The following KDM7A variants were observed in gnomAD, a reference collection of about 807,000 sequenced individuals.
The protein encoded by KDM7A is lysine demethylase 7A, also known as lysine-specific demethylase 7A.
In KDM7A, 28 loss-of-function variants were observed where a neutral mutation model predicts 114.8. The ratio of observed to expected loss-of-function variants is 0.24; its 90% CI spans 0.18 to 0.33. The LOEUF (loss-of-function observed/expected upper bound fraction) is 0.33, where lower values mean the gene tolerates loss of function less well. KDM7A is among the 10% of genes least tolerant of loss of function. KDM7A has a pLI of 1.00. For synonymous variants in KDM7A, 423 were observed against 397.8 expected, an observed-to-expected ratio of 1.06 and a Z score of -0.75; for missense variants, 942 against 1,142.5, an observed-to-expected ratio of 0.82 and a Z score of 2.53.
At chr7:140,133,171 G>A (rs1818816971) in intron 3 of KDM7A, among the ~76,000 whole-genome samples, 1 of 152,160 alleles carries the variant, frequency 6.6e-6, no homozygotes, top group Non-Finnish European at 1.5e-5. Context: ...ACAAGAGAAG[G>A]TGAGGCAAAA....
rs563100519 is a variant in KDM7A, at chr7:140,092,905, C to T, written c.2458-828G>A. Among the ~76,000 whole-genome samples the T allele has an allele frequency of 9.2e-5, 14 of 151,970 alleles. No homozygotes were observed. The South Asian group carries it at 1.7e-3, about 18-fold the overall frequency. On this transcript the variant is annotated intron_variant, in intron 18 of 19. Coordinates refer to ENST00000397560, the MANE Select transcript of KDM7A (RefSeq NM_030647.2). ...AGTGAGGCACTATAAAATCATACAC[C>T]GAAAAGTAAATTATAATGAGATTTC...
intron 13 of KDM7A, 139 bp from the exon 14 acceptor site, chr7:140,099,172 T>C: frequency 2.8e-6 from 2 of 704,734 alleles, no homozygotes; most frequent in Non-Finnish European, 4.6e-6. Context: ...TGCAATAGTA[T>C]GCGCTAGGGA....
Position 140,111,324 on chromosome 7 carries a change from C to T in KDM7A, c.1339-140G>A, listed in dbSNP as rs539129181. Reference sequence around the variant, plus strand: ...TACTAGTAAGCCAGGTTTCAGAGTTCGTGTAGCTAGTATAATGCCTTCTAA... The same window carrying T: ...TACTAGTAAGCCAGGTTTCAGAGTTTGTGTAGCTAGTATAATGCCTTCTAA... On this transcript the variant is annotated intron_variant, in intron 10 of 19. Coordinates refer to ENST00000397560, the MANE Select transcript of KDM7A (RefSeq NM_030647.2). 1,874 of 584,252 alleles carry T rather than the reference C, an allele frequency of 3.2e-3. 5 individuals are homozygous for T. The highest frequency in any genetic ancestry group is 4.6e-3 in the Non-Finnish European group (1,521 of 329,964). The allele number at this position is 584,252 out of a possible 1,614,324, so 36.2% of individuals were successfully genotyped here.
In KDM7A at chr7:140,176,982, C is replaced by T. The variant is rs1794720014; in HGVS notation, c.-45G>A. The T allele has an allele frequency of 9.2e-7, 1 of 1,084,470 alleles. No individual in the cohort carries two copies. Among genetic ancestry groups the T allele is most frequent in the Non-Finnish European group, 1.1e-6 (1 of 894,120 alleles). 67.2% of individuals were successfully genotyped at this position (1,084,470 alleles called of 1,614,324 possible). Reference sequence around the variant, plus strand: ...GCTCGCTCGCTACTCCGCTCGCCGACTGGAGCGAGCGCAGCCGCCAGCCAG... The same window carrying T: ...GCTCGCTCGCTACTCCGCTCGCCGATTGGAGCGAGCGCAGCCGCCAGCCAG... On this transcript the variant is annotated 5_prime_UTR_variant, in exon 1 of 20. Transcript: ENST00000397560. This position sits in a 1 kb window ranked among gnomAD's most constrained non-coding sequence, Gnocchi z 4.4.
chr7:140,102,991 A>G (rs1225342077), intron 11 of KDM7A, among the ~76,000 whole-genome samples: 1 of 152,136 alleles, frequency 6.6e-6, no homozygotes, highest in Admixed American at 6.6e-5. Context: ...CCATTTTAAC[A>G]ATTTTTAAGT....
chr7:140,104,860 T>C (rs534647619), intron 11 of KDM7A, among the ~76,000 whole-genome samples: 50 of 152,244 alleles, frequency 3.3e-4, no homozygotes, highest in East Asian at 7.7e-4. Flanking sequence ...GGGGATGGCA[T>C]TGAATCTATT....
chr7:140,153,343 G>A (rs898239501), intron 1 of KDM7A, among the ~76,000 whole-genome samples: 2 of 151,798 alleles, frequency 1.3e-5, no homozygotes, highest in African/African-American at 4.8e-5. Context: ...AAAACTAGCT[G>A]GGCGTGGTGG....
intron 1 of KDM7A, among the ~76,000 whole-genome samples, chr7:140,153,825 T>C (rs1794428176): frequency 6.6e-6 from 1 of 152,218 alleles, no homozygotes; most frequent in Non-Finnish European, 1.5e-5. Context: ...GGATTTTACT[T>C]CCAGAGTTAT....
intron 2 of KDM7A, among the ~76,000 whole-genome samples, chr7:140,137,765 T>A (rs1818894858): frequency 6.6e-6 from 1 of 152,144 alleles, no homozygotes; most frequent in South Asian, 2.1e-4. Context: ...ATTAGAAAAA[T>A]TACTAATATT....
At chr7:140,155,150 T>G (rs1028228040) in intron 1 of KDM7A, among the ~76,000 whole-genome samples, 1 of 152,232 alleles carries the variant, frequency 6.6e-6, no homozygotes, top group Non-Finnish European at 1.5e-5. Context: ...ACAAATTGTT[T>G]GTCTCCAATT....
intron 18 of KDM7A, among the ~76,000 whole-genome samples, 172 bp downstream of exon 18, chr7:140,093,884 A>G (rs1420968025): frequency 6.6e-6 from 1 of 152,186 alleles, no homozygotes; most frequent in Admixed American, 6.5e-5. Context: ...GTTAGTTATC[A>G]TTTCGGCATC....
In KDM7A at chr7:140,107,238, G is replaced by A. The variant is rs527542736; in HGVS notation, c.1428+3857C>T. 2.9e-4 allele frequency among the ~76,000 whole-genome samples: 44 copies of A among 152,292 alleles called. 1 individual carries two copies. The South Asian group carries it at 8.7e-3, about 30-fold the overall frequency. On this transcript the variant is annotated intron_variant, in intron 11 of 19. Transcript: ENST00000397560. ...GACTCTTTATCCTATTTGCCGGTAT[G>A]TGTCTTTTAATTGGAGCATTTAGCC...
chr7:140,154,004 T>C (rs538261849), intron 1 of KDM7A, among the ~76,000 whole-genome samples: 18 of 152,332 alleles, frequency 1.2e-4, no homozygotes, highest in African/African-American at 4.1e-4. Context: ...CTGTTATTTT[T>C]GCAGTGATTT....
intron 5 of KDM7A, 40 bp downstream of exon 5, chr7:140,127,402 A>T (rs1448493519): frequency 3.2e-6 from 5 of 1,548,564 alleles, no homozygotes; most frequent in Non-Finnish European, 4.4e-6. Context: ...CATTTAGCTA[A>T]CACTCAGAAT....
intron 1 of KDM7A, among the ~76,000 whole-genome samples, chr7:140,171,546 AAT>A (rs1424236001): frequency 1.5e-5 from 2 of 137,860 alleles, no homozygotes; most frequent in Non-Finnish European, 3.1e-5. Context: ...TATATTTATA[AAT>A]ATATATTTAT....
At chr7:140,093,930 C>G in intron 18 of KDM7A, 126 bp downstream of exon 18, 2 of 692,080 alleles carry the variant, frequency 2.9e-6, no homozygotes, top group Non-Finnish European at 5.3e-6. Flanking sequence ...GTGCATTTAA[C>G]TGTAATTTTC....
Position 140,133,080 on chromosome 7 carries a change from C to G in KDM7A, c.398+459G>C, listed in dbSNP as rs551074730. On this transcript the variant is annotated intron_variant, in intron 3 of 19. Transcript: ENST00000397560. ...TTTTAAAAAATCAAAAAGCCCACCC[C>G]TGCAGTGGTTGTGTGTGCTTCTGGT... 8.5e-5 allele frequency among the ~76,000 whole-genome samples: 13 copies of G among 152,282 alleles called. No individual in the cohort carries two copies. In the South Asian group the frequency reaches 2.7e-3, roughly 32 times the overall value.
intron 1 of KDM7A, among the ~76,000 whole-genome samples, chr7:140,153,780 A>G (rs1473026868): frequency 6.6e-6 from 1 of 152,176 alleles, no homozygotes; most frequent in Non-Finnish European, 1.5e-5. Context: ...TCCCACTGTC[A>G]GTTACTTATT....
At chr7:140,118,127 TTATGTC>T (rs1818560753) in intron 9 of KDM7A, among the ~76,000 whole-genome samples, 1 of 152,260 alleles carries the variant, frequency 6.6e-6, no homozygotes, top group Non-Finnish European at 1.5e-5. Context: ...TTTAATCTGT[TTATGTC>T]TATTCTGAGA....
Sources: allele counts gnomAD v4.1 joint callset (sites outside exome capture counted in the v4.1 genomes callset), GRCh38; gene constraint gnomAD v4.1.1; non-coding constraint Gnocchi (gnomAD v3.1); transcripts MANE v1.5; gene names NCBI Gene and HGNC (gene_info 2026-07-23, HGNC 2026-07-21).